The following HS3ST4 variants were observed in gnomAD, a reference collection of about 807,000 sequenced individuals.
HS3ST4 encodes the protein heparan sulfate-glucosamine 3-sulfotransferase 4, also known as heparan sulfate glucosamine 3-O-sulfotransferase 4.
Under a neutral mutation model 29.2 loss-of-function variants are expected in HS3ST4, and 17 were observed. The observed-to-expected ratio is 0.58, with a 90% CI of 0.40 to 0.87. The LOEUF (loss-of-function observed/expected upper bound fraction) is 0.87, where lower values mean the gene tolerates loss of function less well. Among genes scored for constraint, HS3ST4 ranks in the 40% least tolerant of loss-of-function variants. The pLI is 0.00. For synonymous variants in HS3ST4, 314 were observed against 285.7 expected (o/e 1.10, Z -1.00); for missense variants, 627 against 634.5 (o/e 0.99, Z 0.13).
intron 1 of HS3ST4, among the ~76,000 whole-genome samples, chr16:25,983,158 G>A (rs984826786): frequency 1.3e-5 from 2 of 152,118 alleles, no homozygotes; most frequent in African/African-American, 2.4e-5. Context: ...GAATGAGGTC[G>A]CTTTCAGATC....
At chr16:25,913,294 T>G (rs1478251129) in intron 1 of HS3ST4, among the ~76,000 whole-genome samples, 1 of 152,242 alleles carries the variant, frequency 6.6e-6, no homozygotes, top group Non-Finnish European at 1.5e-5. Flanking sequence ...ATGAGGCTTT[T>G]GGGAGGCTAT....
intron 1 of HS3ST4, among the ~76,000 whole-genome samples, chr16:26,060,357 T>C (rs1898460661): frequency 6.6e-6 from 1 of 152,104 alleles, no homozygotes; most frequent in African/African-American, 2.4e-5. Flanking sequence ...TTGAAAGCTT[T>C]CCCACCAGAT....
intron 1 of HS3ST4, among the ~76,000 whole-genome samples, chr16:25,910,831 G>A (rs1357655297): frequency 6.6e-6 from 1 of 151,998 alleles, no homozygotes; most frequent in Non-Finnish European, 1.5e-5. Context: ...TAATGTTATT[G>A]CTAAGAAGGC....
chr16:25,989,673 C>T (rs192490261), intron 1 of HS3ST4, among the ~76,000 whole-genome samples: 2 of 152,284 alleles, frequency 1.3e-5, no homozygotes, highest in Admixed American at 1.3e-4. Context: ...TTCGTCTGCT[C>T]AGGGGTTCTT....
chr16:26,120,052 A>AGTGTGTGTGT (rs35643541), intron 1 of HS3ST4, among the ~76,000 whole-genome samples: 50 of 131,448 alleles, frequency 3.8e-4, no homozygotes, highest in African/African-American at 1.2e-3. Flanking sequence ...AGCTGAAGGA[A>AGTGTGTGTGT]GTGTGTGTGT....
rs529249818 is a variant in HS3ST4, at chr16:26,038,810, A to C, written c.735-96802A>C. On this transcript the variant is annotated intron_variant, in intron 1 of 1. Coordinates refer to ENST00000331351, the MANE Select transcript of HS3ST4 (RefSeq NM_006040.3). ...GCCATTCTCCTGCCTCAGCCTCCCGAGTAGCTGGGACTACAGTCATCTGCC... is the reference window on the plus strand; with the variant it reads ...GCCATTCTCCTGCCTCAGCCTCCCGCGTAGCTGGGACTACAGTCATCTGCC... 2.2e-3 allele frequency among the ~76,000 whole-genome samples: 330 copies of C among 152,114 alleles called. 2 individuals carry two copies. Among genetic ancestry groups the C allele is most frequent in the African/African-American group, 7.8e-3 (324 of 41,478 alleles).
intron 1 of HS3ST4, among the ~76,000 whole-genome samples, chr16:25,756,074 A>C (rs1028705814): frequency 2.0e-5 from 3 of 151,638 alleles, no homozygotes; most frequent in African/African-American, 7.3e-5. Flanking sequence ...AAAGTATGTC[A>C]TTGTGGGAAG....
At chr16:25,730,645 G>A (rs1288499949) in intron 1 of HS3ST4, among the ~76,000 whole-genome samples, 8 of 94,150 alleles carry the variant, frequency 8.5e-5, no homozygotes, top group Admixed American at 2.9e-4. Context: ...CCCTCCCTCC[G>A]TCCTTCTCTC....
At chr16:25,935,939 T>G (rs1173847144) in intron 1 of HS3ST4, among the ~76,000 whole-genome samples, 1 of 152,100 alleles carries the variant, frequency 6.6e-6, no homozygotes, top group East Asian at 1.9e-4. Context: ...GAAAACTAAT[T>G]TTGAAAATAG....
intron 1 of HS3ST4, among the ~76,000 whole-genome samples, chr16:25,813,132 G>T (rs1967058675): frequency 6.6e-6 from 1 of 152,134 alleles, no homozygotes; most frequent in Non-Finnish European, 1.5e-5. Flanking sequence ...TGAGCAGAAG[G>T]CTTGAACAGA....
At position 25,880,907 on chromosome 16, in the gene HS3ST4, G is replaced by A. The variant is rs543037630; in HGVS notation, c.734+187756G>A. The stretch of plus-strand genomic sequence containing the variant: ...TTGGGGTAGTTCAGTGGTTTTGTGG[G>A]AGGATGTATTTGACAGGTGGTCTCC... On this transcript the variant is annotated intron_variant, in intron 1 of 1. Transcript: ENST00000331351. Among the ~76,000 whole-genome samples, 8 of 152,306 alleles carry A rather than the reference G, an allele frequency of 5.3e-5. No homozygotes were observed. In the South Asian group the frequency reaches 8.3e-4, roughly 16 times the overall value.
intron 1 of HS3ST4, among the ~76,000 whole-genome samples, chr16:25,707,826 T>C (rs146763548): frequency 6.6e-6 from 1 of 152,356 alleles, no homozygotes; most frequent in Admixed American, 6.5e-5. Flanking sequence ...TTCTTTGCAT[T>C]AGATAATTGC....
intron 1 of HS3ST4, among the ~76,000 whole-genome samples, chr16:25,766,053 T>C (rs1966817171): frequency 6.6e-6 from 1 of 152,088 alleles, no homozygotes; most frequent in African/African-American, 2.4e-5. Flanking sequence ...TAGGCTCATC[T>C]GTTCTACTCT....
intron 1 of HS3ST4, among the ~76,000 whole-genome samples, chr16:25,879,697 G>T (rs1263583875): frequency 6.6e-6 from 1 of 152,064 alleles, no homozygotes; most frequent in African/African-American, 2.4e-5. Flanking sequence ...TGAGGAAACT[G>T]AACCTAAGGA....
chr16:26,065,684 T>C (rs972434435), intron 1 of HS3ST4, among the ~76,000 whole-genome samples: 13 of 152,156 alleles, frequency 8.5e-5, no homozygotes, highest in African/African-American at 2.7e-4. Flanking sequence ...ACAGTCAGCA[T>C]AGACTACACC....
intron 1 of HS3ST4, among the ~76,000 whole-genome samples, chr16:26,035,531 A>G (rs189884090): frequency 1.3e-5 from 2 of 152,360 alleles, no homozygotes; most frequent in East Asian, 3.9e-4. Context: ...CTTTTGCACA[A>G]AGCACAAACT....
At position 25,854,155 on chromosome 16, in the gene HS3ST4, T is replaced by C. The variant is rs149112551; in HGVS notation, c.734+161004T>C. Among the ~76,000 whole-genome samples, 770 of 152,150 alleles carry C rather than the reference T, an allele frequency of 5.1e-3. 7 individuals carry two copies. The highest frequency in any genetic ancestry group is 0.018 in the African/African-American group (743 of 41,516). ...TGAGACAGGGTCTTTGTTGCCAAGG[T>C]TGGAGTGCAGTGGCACAATGATAGC... On this transcript the variant is annotated intron_variant, in intron 1 of 1. Transcript: ENST00000331351.
intron 1 of HS3ST4, among the ~76,000 whole-genome samples, chr16:25,864,992 TCACA>T (rs887032330): frequency 7.4e-5 from 10 of 135,080 alleles, no homozygotes; most frequent in Non-Finnish European, 1.5e-4. Context: ...ACATACACAC[TCACA>T]CACACAAACA....
chr16:25,984,186 A>G (rs8050791), intron 1 of HS3ST4, among the ~76,000 whole-genome samples: 11 of 152,118 alleles, frequency 7.2e-5, no homozygotes, highest in Non-Finnish European at 1.2e-4. Context: ...CTATCTCACT[A>G]TAATTTTGTA....
Sources: allele counts gnomAD v4.1 joint callset (sites outside exome capture counted in the v4.1 genomes callset), GRCh38; gene constraint gnomAD v4.1.1; transcripts MANE v1.5; gene names NCBI Gene and HGNC (gene_info 2026-07-23, HGNC 2026-07-21).